C2orf80: variants seen among roughly 807,000 people sequenced by gnomAD.
The protein encoded by C2orf80 is chromosome 2 open reading frame 80, also known as uncharacterized protein C2orf80.
C2orf80 carries 28 observed loss-of-function variants against 30.2 expected under a neutral mutation model. The ratio of observed to expected loss-of-function variants is 0.93; its 90% CI spans 0.69 to 1.27. C2orf80 has a LOEUF of 1.27. Ranked by LOEUF, C2orf80 falls within the 50% of genes most tolerant of loss-of-function variation. The probability of loss-of-function intolerance (pLI) is 0.00; values close to 1 mark genes in which losing one functional copy is unlikely to be tolerated. For missense variants in C2orf80, 220 were observed against 231.0 expected, an observed-to-expected ratio of 0.95 and a Z score of 0.31; for synonymous variants, 80 against 76.4, an observed-to-expected ratio of 1.05 and a Z score of -0.24.
chr2:208,186,813 C>A, intron 2 of C2orf80, 133 bp downstream of exon 2: 1 of 798,600 alleles, frequency 1.3e-6, no homozygotes, highest in Non-Finnish European at 2.1e-6. Context: ...GCCAGATCAT[C>A]CTCTGGTTTT....
chr2:208,171,457 A>G (rs1173795547), intron 7 of C2orf80, among the ~76,000 whole-genome samples: 1 of 151,782 alleles, frequency 6.6e-6, no homozygotes, highest in Non-Finnish European at 1.5e-5. Context: ...AGTAGCTGGG[A>G]TTACAGGCGC....
intron 3 of C2orf80, among the ~76,000 whole-genome samples, chr2:208,183,607 G>A (rs1309279868): frequency 6.6e-6 from 1 of 152,104 alleles, no homozygotes; most frequent in Admixed American, 6.5e-5. Flanking sequence ...TCTACCTGGG[G>A]AGATAGCTAG....
intron 6 of C2orf80, among the ~76,000 whole-genome samples, chr2:208,178,013 T>TCACC (rs1226071094): frequency 3.3e-5 from 5 of 151,912 alleles, no homozygotes; most frequent in Non-Finnish European, 7.4e-5. Context: ...AGATAGGATT[T>TCACC]CACCGTGTTG....
chr2:208,184,193 GC>G (rs1231318790), intron 3 of C2orf80, among the ~76,000 whole-genome samples: 5 of 145,144 alleles, frequency 3.4e-5, no homozygotes, highest in African/African-American at 1.2e-4. Context: ...CCTCACCCCC[GC>G]CCCCCTTCAC....
chr2:208,175,050 G>C (rs977524190), intron 6 of C2orf80, among the ~76,000 whole-genome samples: 9 of 152,164 alleles, frequency 5.9e-5, no homozygotes, highest in East Asian at 1.9e-4. Context: ...GAGGCCGAGG[G>C]GGGTGGGTGG....
rs1559340813 is a variant in C2orf80, at chr2:208,177,013, A to ATAT, written c.366+3731_366+3732insATA. 9.7e-4 allele frequency among the ~76,000 whole-genome samples: 105 copies of ATAT among 108,652 alleles called. 6 individuals carry two copies. The highest frequency in any genetic ancestry group is 1.4e-3 in the Non-Finnish European group (67 of 46,340). The allele number at this position is 108,652 out of a possible 152,430, so 71.3% of individuals were successfully genotyped here. Reference sequence around the variant, plus strand: ...TATGTATACATATATACATATATACAGATACATATATACAGATATAGTACA... The same window carrying ATAT: ...TATGTATACATATATACATATATACATATGATACATATATACAGATATAGTACA... On this transcript the variant is annotated intron_variant, in intron 6 of 8. Coordinates refer to ENST00000341287, the MANE Select transcript of C2orf80 (RefSeq NM_001099334.3).
At chr2:208,170,101 A>G (rs1696047037) in intron 8 of C2orf80, among the ~76,000 whole-genome samples, 1 of 152,184 alleles carries the variant, frequency 6.6e-6, no homozygotes, top group African/African-American at 2.4e-5. Flanking sequence ...TGCAAACCCA[A>G]TCATAAGTCA....
rs1318301064 is a variant in C2orf80 at position 208,179,738 on chromosome 2, C to T, written c.366+1007G>A. On this transcript the variant is annotated intron_variant, in intron 6 of 8. Coordinates refer to ENST00000341287, the MANE Select transcript of C2orf80 (RefSeq NM_001099334.3). ...TTTTAAGATCAGTCATATGGAGGCCCGAAAGGGGAAAGGGACGCATCTAGG... is the reference window on the plus strand; with the variant it reads ...TTTTAAGATCAGTCATATGGAGGCCTGAAAGGGGAAAGGGACGCATCTAGG... Among the ~76,000 whole-genome samples, 9 of 150,728 alleles carry T rather than the reference C, an allele frequency of 6.0e-5. No homozygotes were observed. In the East Asian group the frequency reaches 7.8e-4, roughly 13 times the overall value.
At chr2:208,189,838 T>C in intron 1 of C2orf80, 115 bp downstream of exon 1, 1 of 673,432 alleles carries the variant, frequency 1.5e-6, no homozygotes, top group African/African-American at 1.8e-5. Flanking sequence ...TCCTGGAGAA[T>C]ATCTGCACAT....
intron 1 of C2orf80, among the ~76,000 whole-genome samples, chr2:208,188,325 T>G (rs532885587): frequency 6.6e-6 from 1 of 152,302 alleles, no homozygotes; most frequent in South Asian, 2.1e-4. Flanking sequence ...AACGGTTTTT[T>G]GAAAATGGTA....
At chr2:208,169,806 T>C (rs1696037194) in intron 8 of C2orf80, among the ~76,000 whole-genome samples, 1 of 152,172 alleles carries the variant, frequency 6.6e-6, no homozygotes, top group South Asian at 2.1e-4. Context: ...AAATTGAATA[T>C]GGTGATAATT....
At chr2:208,187,204 C>A (rs865802773) in intron 1 of C2orf80, 143 bp from the exon 2 acceptor site, 4 of 538,942 alleles carry the variant, frequency 7.4e-6, no homozygotes, top group Middle Eastern at 4.2e-4. Context: ...AAAAAGCCAC[C>A]TGGAGGCTCA....
At chr2:208,177,873 T>A (rs1410238796) in intron 6 of C2orf80, among the ~76,000 whole-genome samples, 2 of 151,946 alleles carry the variant, frequency 1.3e-5, no homozygotes, top group African/African-American at 4.8e-5. Context: ...TTGCTCAGGC[T>A]GGAGTGCAGT....
intron 6 of C2orf80, among the ~76,000 whole-genome samples, chr2:208,176,937 A>G (rs1294759645): frequency 3.5e-4 from 31 of 89,224 alleles, no homozygotes; most frequent in African/African-American, 1.5e-3. Flanking sequence ...ATATGTATAC[A>G]TATCTGTATA....
chr2:208,176,786 C>T (rs1045292917), intron 6 of C2orf80, among the ~76,000 whole-genome samples: 6 of 151,322 alleles, frequency 4.0e-5, no homozygotes, highest in Non-Finnish European at 7.4e-5. Flanking sequence ...GGGATTCAAA[C>T]CCAGGAGGCC....
Position 208,171,984 on chromosome 2 carries a change from T to A in C2orf80, c.454+4A>T. ...TCTAAGCAGGTGAAAGTAACCAGGC[T>A]TACTCTGTTTGCGGGCGTATGCTGC... On this transcript the variant is annotated splice_donor_region_variant and intron_variant, in intron 7 of 8. Transcript: ENST00000341287. 6.2e-7 allele frequency: 1 copy of A among 1,611,798 alleles called. No homozygotes were observed. The highest frequency in any genetic ancestry group is 8.5e-7 in the Non-Finnish European group (1 of 1,177,864).
intron 8 of C2orf80, among the ~76,000 whole-genome samples, chr2:208,168,868 T>C (rs1206317777): frequency 1.3e-5 from 2 of 150,384 alleles, no homozygotes; most frequent in Non-Finnish European, 2.9e-5. Context: ...AATCAGCCTA[T>C]AGAAAGGTCT....
At position 208,173,352 on chromosome 2, in the gene C2orf80, T is replaced by C. The variant is rs1026826277; in HGVS notation, c.367-1277A>G. On this transcript the variant is annotated intron_variant, in intron 6 of 8. Transcript: ENST00000341287. ...ATTTATAAAAACTCAAGGCTGGGTG[T>C]GGAGGCTCAAGCGTGTAATCTCAGC... Among the ~76,000 whole-genome samples the C allele has an allele frequency of 4.6e-5, 7 of 152,122 alleles. No homozygotes were observed. In the South Asian group the frequency reaches 1.2e-3, roughly 27 times the overall value.
chr2:208,184,559 C>A (rs1009914645), intron 3 of C2orf80, among the ~76,000 whole-genome samples: 1 of 152,080 alleles, frequency 6.6e-6, no homozygotes, highest in Non-Finnish European at 1.5e-5. Flanking sequence ...TAAATAACAC[C>A]AAGGATTTTT....
Sources: allele counts gnomAD v4.1 joint callset (sites outside exome capture counted in the v4.1 genomes callset), GRCh38; gene constraint gnomAD v4.1.1; transcripts MANE v1.5; gene names NCBI Gene and HGNC (gene_info 2026-07-23, HGNC 2026-07-21).